The following PCDHGA5 variants were observed in gnomAD, a reference collection of about 807,000 sequenced individuals.
PCDHGA5 encodes the protein protocadherin gamma-A5.
A neutral mutation model predicts 56.7 loss-of-function variants in PCDHGA5; 36 were observed. That is an observed-to-expected ratio of 0.64 (90% CI 0.49 to 0.84). PCDHGA5 has a LOEUF of 0.84. Among genes scored for constraint, PCDHGA5 ranks in the 40% least tolerant of loss-of-function variants. PCDHGA5 has a pLI of 0.00. For synonymous variants in PCDHGA5, 563 were observed against 520.2 expected (o/e 1.08, Z -1.12); for missense variants, 1,305 against 1,201.5 (o/e 1.09, Z -1.27).
At chr5:141,395,102 G>A (rs766050798) in intron 1 of PCDHGA5, 2 of 1,614,172 alleles carry the variant, frequency 1.2e-6, no homozygotes, top group East Asian at 2.2e-5. Flanking sequence ...CCGCCGACTC[G>A]CGGAAGAGTC....
intron 1 of PCDHGA5, among the ~76,000 whole-genome samples, chr5:141,470,825 C>A (rs557419577): frequency 6.6e-6 from 1 of 152,182 alleles, no homozygotes; most frequent in Admixed American, 6.5e-5. Context: ...GTAGTTAGGA[C>A]GACAAACACA....
At chr5:141,415,183 G>A (rs201831693) in intron 1 of PCDHGA5, 913 of 1,613,968 alleles carry the variant, frequency 5.7e-4, no homozygotes, top group Non-Finnish European at 5.1e-4. Flanking sequence ...GGCCGTGGCC[G>A]ACAGCATCCC....
chr5:141,436,700 C>T (rs2097841356), intron 1 of PCDHGA5, among the ~76,000 whole-genome samples: 1 of 152,166 alleles, frequency 6.6e-6, no homozygotes, highest in Non-Finnish European at 1.5e-5. Flanking sequence ...AATGCCAGCA[C>T]ACTCGATGTT....
intron 1 of PCDHGA5, chr5:141,371,031 ACAG>A (rs763935015): frequency 6.2e-7 from 1 of 1,613,990 alleles, no homozygotes; most frequent in East Asian, 2.2e-5. Context: ...CCTGGTCCTC[ACAG>A]CTGTGGATGG....
At chr5:141,470,078 G>C (rs542998375) in intron 1 of PCDHGA5, among the ~76,000 whole-genome samples, 21 of 152,182 alleles carry the variant, frequency 1.4e-4, no homozygotes, top group Non-Finnish European at 2.9e-4. Context: ...GTAGTGATCT[G>C]AGATCATGCC....
rs984222446 is a variant in PCDHGA5 at position 141,493,942 on chromosome 5, G to T, written c.2422-865G>T. ...ACACACCCCCTGGAAAGACCAGAAG[G>T]GACTCAGGAATGAAGTGGCTGGCCA... On this transcript the variant is annotated intron_variant, in intron 1 of 3. Transcript: ENST00000518069. The surrounding 1 kb of genome is among the most constrained non-coding windows in gnomAD (Gnocchi z 4.3). Among the ~76,000 whole-genome samples the T allele has an allele frequency of 1.3e-5, 2 of 152,168 alleles. No individual in the cohort carries two copies. Among genetic ancestry groups the T allele is most frequent in the Non-Finnish European group, 1.5e-5 (1 of 68,022 alleles).
chr5:141,380,878 G>C (rs1776818511), intron 1 of PCDHGA5, among the ~76,000 whole-genome samples: 1 of 152,198 alleles, frequency 6.6e-6, no homozygotes, highest in African/African-American at 2.4e-5. Flanking sequence ...CTCCAAACAT[G>C]AAAGTTTGTT....
At chr5:141,427,132 G>T (rs755992698) in intron 1 of PCDHGA5, 1 of 457,106 alleles carries the variant, frequency 2.2e-6, no homozygotes, top group Non-Finnish European at 4.4e-6. Context: ...AAATCCCTAC[G>T]AGATGATATT....
rs1308930168 is a variant in PCDHGA5, at chr5:141,489,620, A to G, written c.2422-5187A>G. 2.5e-6 allele frequency: 4 copies of G among 1,614,058 alleles called. No individual in the cohort carries two copies. Among genetic ancestry groups the G allele is most frequent in the South Asian group, 2.2e-5 (2 of 91,072 alleles). The stretch of plus-strand genomic sequence containing the variant: ...GTAGAGGTAGAGATCCTGGATCTCA[A>G]TGACAACTCTCCTAGCTTTGCCACC... On this transcript the variant is annotated intron_variant, in intron 1 of 3. Transcript: ENST00000518069. This position sits in a 1 kb window ranked among gnomAD's most constrained non-coding sequence, Gnocchi z 4.5.
intron 1 of PCDHGA5, chr5:141,399,178 A>T: frequency 6.2e-7 from 1 of 1,613,892 alleles, no homozygotes; most frequent in Admixed American, 1.7e-5. Flanking sequence ...TCTACTTGAA[A>T]TGATTCTGGA....
chr5:141,486,091 G>A lies in PCDHGA5; in HGVS notation c.2422-8716G>A, dbSNP rs2099624256. On this transcript the variant is annotated intron_variant, in intron 1 of 3. Coordinates refer to ENST00000518069, the MANE Select transcript of PCDHGA5 (RefSeq NM_018918.3). This position sits in a 1 kb window ranked among gnomAD's most constrained non-coding sequence, Gnocchi z 5.0. ...CTACTGGAAAGCTTACTCTTTTGGGGCCCCTAGACTTTGAGAGTGAGAATT... is the reference window on the plus strand; with the variant it reads ...CTACTGGAAAGCTTACTCTTTTGGGACCCCTAGACTTTGAGAGTGAGAATT... 2 of 1,614,158 alleles carry A rather than the reference G, an allele frequency of 1.2e-6. No homozygotes were observed. Among genetic ancestry groups the A allele is most frequent in the Non-Finnish European group, 1.7e-6 (2 of 1,180,024 alleles).
rs1029546280 is a variant in PCDHGA5 at position 141,423,551 on chromosome 5, A to G, written c.2421+56800A>G. On this transcript the variant is annotated intron_variant, in intron 1 of 3. Coordinates refer to ENST00000518069, the MANE Select transcript of PCDHGA5 (RefSeq NM_018918.3). ...AGTCACCTGATTTTCCCCCAGCCCA[A>G]CTATGGGGACACGCTCATCAGCCAG... The G allele has an allele frequency of 2.5e-6, 4 of 1,613,498 alleles. No individual in the cohort carries two copies. The African/African-American group carries it at 5.3e-5, about 22-fold the overall frequency.
chr5:141,372,645 T>G (rs1317150065), intron 1 of PCDHGA5: 2 of 1,613,914 alleles, frequency 1.2e-6, no homozygotes, highest in African/African-American at 2.7e-5. Context: ...TTTGCCTTAT[T>G]CCTACAATCC....
chr5:141,409,941 G>T, intron 1 of PCDHGA5: 1 of 1,613,226 alleles, frequency 6.2e-7, no homozygotes, highest in South Asian at 1.1e-5. Flanking sequence ...ATGGTACCTC[G>T]CTCTGCAGAG....
intron 1 of PCDHGA5, among the ~76,000 whole-genome samples, chr5:141,473,698 T>A (rs2099327181): frequency 6.6e-6 from 1 of 152,166 alleles, no homozygotes; most frequent in Non-Finnish European, 1.5e-5. Context: ...CTGACCACCC[T>A]CCAAGTGGTG....
intron 1 of PCDHGA5, chr5:141,398,904 C>A (rs1487711986): frequency 3.1e-6 from 5 of 1,613,930 alleles, no homozygotes; most frequent in Non-Finnish European, 3.4e-6. Context: ...CACCAGGCAC[C>A]ACTGTGTTGC....
intron 1 of PCDHGA5, chr5:141,405,537 A>G (rs2094682119): frequency 3.1e-6 from 2 of 643,630 alleles, no homozygotes; most frequent in Middle Eastern, 4.2e-4. Context: ...CTCCTGCCTC[A>G]GCCTCCCAAG....
chr5:141,460,498 T>C (rs1028506755), intron 1 of PCDHGA5, among the ~76,000 whole-genome samples: 3 of 152,184 alleles, frequency 2.0e-5, no homozygotes, highest in African/African-American at 7.2e-5. Context: ...TGGAAAAATA[T>C]GCTGAGAAGG....
Position 141,364,493 on chromosome 5 carries a change from G to C in PCDHGA5, c.163G>C (p.Glu55Gln). Residue 55 changes from glutamate (E) to glutamine (Q), a missense_variant, in exon 1 of 4, where the codon GAG becomes CAG. Physicochemically the swap from Glu to Gln is conservative, Grantham distance 29. Coordinates refer to ENST00000518069, the MANE Select transcript of PCDHGA5 (RefSeq NM_018918.3). ...VGNIAKDLGL[E>Q]PQELAERGVR... is the part of the protein sequence containing the mutation. Reference sequence around the variant, plus strand: ...CAACATAGCCAAGGACCTTGGGCTGGAGCCCCAGGAGCTGGCGGAGCGCGG... The same window carrying C: ...CAACATAGCCAAGGACCTTGGGCTGCAGCCCCAGGAGCTGGCGGAGCGCGG... The C allele has an allele frequency of 1.2e-6, 2 of 1,614,018 alleles. No individual in the cohort carries two copies. Among genetic ancestry groups the C allele is most frequent in the Non-Finnish European group, 1.7e-6 (2 of 1,179,902 alleles).
Sources: allele counts gnomAD v4.1 joint callset (sites outside exome capture counted in the v4.1 genomes callset), GRCh38; gene constraint gnomAD v4.1.1; non-coding constraint Gnocchi (gnomAD v3.1); transcripts MANE v1.5; gene names NCBI Gene and HGNC (gene_info 2026-07-23, HGNC 2026-07-21).